The following PHTF2 variants were observed in gnomAD, a reference collection of about 807,000 sequenced individuals.
The protein encoded by PHTF2 is protein PHTF2.
A neutral mutation model predicts 101.2 loss-of-function variants in PHTF2; 60 were observed. The ratio of observed to expected loss-of-function variants is 0.59; its 90% CI spans 0.48 to 0.73. The LOEUF (loss-of-function observed/expected upper bound fraction) is 0.73, where lower values mean the gene tolerates loss of function less well. Ranked by LOEUF, PHTF2 falls within the 30% of genes least tolerant of loss-of-function variation. The probability of loss-of-function intolerance (pLI) is 0.00; values close to 1 mark genes in which losing one functional copy is unlikely to be tolerated. For missense variants in PHTF2, 747 were observed against 908.7 expected, an observed-to-expected ratio of 0.82 and a Z score of 2.29; for synonymous variants, 311 against 307.3, an observed-to-expected ratio of 1.01 and a Z score of -0.13.
intron 1 of PHTF2, among the ~76,000 whole-genome samples, chr7:77,821,378 C>T (rs1188758799): frequency 2.0e-5 from 3 of 152,202 alleles, no homozygotes; most frequent in Non-Finnish European, 2.9e-5. Flanking sequence ...GTCCATCTCT[C>T]TCCCAATATT....
intron 5 of PHTF2, among the ~76,000 whole-genome samples, chr7:77,898,740 G>A (rs1297550154): frequency 2.0e-5 from 3 of 152,010 alleles, no homozygotes; most frequent in African/African-American, 7.2e-5. Flanking sequence ...AACAATTCAT[G>A]GCCAACAGCA....
intron 1 of PHTF2, among the ~76,000 whole-genome samples, chr7:77,801,988 C>G (rs1398637887): frequency 6.6e-6 from 1 of 152,106 alleles, no homozygotes; most frequent in Non-Finnish European, 1.5e-5. Context: ...AGTACGGGCA[C>G]ATAGAAAGCA....
intron 3 of PHTF2, among the ~76,000 whole-genome samples, chr7:77,888,339 G>C (rs1285596234): frequency 1.3e-5 from 2 of 152,060 alleles, no homozygotes; most frequent in East Asian, 1.9e-4. Context: ...TGGTCTGAAT[G>C]GTCTGACCTC....
At chr7:77,953,127 C>G (rs901604726) in intron 18 of PHTF2, among the ~76,000 whole-genome samples, 2 of 152,148 alleles carry the variant, frequency 1.3e-5, no homozygotes, top group African/African-American at 4.8e-5. Flanking sequence ...AGAATATTTA[C>G]TCCCCACCAT....
intron 3 of PHTF2, among the ~76,000 whole-genome samples, chr7:77,888,681 T>A (rs888415299): frequency 1.3e-5 from 2 of 152,186 alleles, no homozygotes; most frequent in African/African-American, 4.8e-5. Flanking sequence ...ATGCCATTTT[T>A]AAAAAAGTAG....
At chr7:77,949,937 T>C in intron 17 of PHTF2, 104 bp downstream of exon 16, 1 of 628,110 alleles carries the variant, frequency 1.6e-6, no homozygotes, top group Non-Finnish European at 2.6e-6. Flanking sequence ...TTAAGGTCAT[T>C]TGTGCTATAA....
intron 3 of PHTF2, among the ~76,000 whole-genome samples, chr7:77,879,976 A>G (rs1035123107): frequency 1.3e-5 from 2 of 152,230 alleles, no homozygotes; most frequent in African/African-American, 4.8e-5. Flanking sequence ...GGTTTTTATT[A>G]TAAATGTTAA....
chr7:77,949,802 A>T (rs771280012), exon 17 of PHTF2: 1 of 1,533,602 alleles, frequency 6.5e-7, no homozygotes, highest in South Asian at 1.2e-5. Context: ...AGTAAAAAAT[A>T]TAGTAATACC....
chr7:77,854,470 C>G (rs1205082566), intron 2 of PHTF2, among the ~76,000 whole-genome samples: 2 of 152,128 alleles, frequency 1.3e-5, no homozygotes, highest in Non-Finnish European at 2.9e-5. Context: ...AACATTCACT[C>G]AAGGCCCAAG....
chr7:77,868,325 T>C (rs1316761176), intron 3 of PHTF2, among the ~76,000 whole-genome samples: 1 of 79,074 alleles, frequency 1.3e-5, no homozygotes, highest in Non-Finnish European at 2.8e-5. Flanking sequence ...AAAAAAAATT[T>C]TTTTTTTTTT....
intron 6 of PHTF2, 149 bp downstream of exon 5, chr7:77,900,929 T>C: frequency 1.7e-6 from 1 of 581,810 alleles, no homozygotes; most frequent in Middle Eastern, 4.6e-4. Context: ...AGAGGCTTAA[T>C]TGGTTCATGG....
chr7:77,849,460 A>T (rs758789204), intron 2 of PHTF2, among the ~76,000 whole-genome samples: 19 of 152,150 alleles, frequency 1.2e-4, no homozygotes, highest in Non-Finnish European at 2.5e-4. Flanking sequence ...TTGTTATAAT[A>T]GCTCTGTAGT....
At chr7:77,889,430 G>A (rs1800161773) in intron 3 of PHTF2, among the ~76,000 whole-genome samples, 1 of 152,080 alleles carries the variant, frequency 6.6e-6, no homozygotes, top group Non-Finnish European at 1.5e-5. Context: ...ATTTGTTAAA[G>A]GCATACACGT....
At chr7:77,942,585 G>A (rs1470563868) in intron 15 of PHTF2, 115 bp from the exon 15 acceptor site, 5 of 530,750 alleles carry the variant, frequency 9.4e-6, no homozygotes, top group Middle Eastern at 2.8e-4. Context: ...ATTGTGGGCT[G>A]TGATCAACTG....
At chr7:77,929,502 T>C (rs1804368119) in intron 12 of PHTF2, among the ~76,000 whole-genome samples, 175 bp downstream of exon 11, 3 of 152,204 alleles carry the variant, frequency 2.0e-5, no homozygotes, top group African/African-American at 4.8e-5. Context: ...TCAGTACTTA[T>C]ATTGTGGTTA....
intron 2 of PHTF2, among the ~76,000 whole-genome samples, chr7:77,849,436 C>A (rs1327270750): frequency 3.9e-5 from 6 of 152,142 alleles, no homozygotes; most frequent in African/African-American, 1.2e-4. Flanking sequence ...CTGTGCCCAG[C>A]CACTGTGCTG....
chr7:77,870,440 AG>A (rs1448856299), intron 3 of PHTF2, among the ~76,000 whole-genome samples: 2 of 152,192 alleles, frequency 1.3e-5, no homozygotes, highest in African/African-American at 4.8e-5. Context: ...CCGCTGTTCA[AG>A]GGCAGGAAGC....
At chr7:77,952,948 T>A (rs848461) in intron 18 of PHTF2, among the ~76,000 whole-genome samples, 1 of 151,978 alleles carries the variant, frequency 6.6e-6, no homozygotes, top group Non-Finnish European at 1.5e-5. Context: ...CTCTCACTTA[T>A]GCTTTTGATA....
intron 17 of PHTF2, among the ~76,000 whole-genome samples, chr7:77,951,147 T>G (rs544052973): frequency 6.6e-6 from 1 of 152,232 alleles, no homozygotes; most frequent in Non-Finnish European, 1.5e-5. Flanking sequence ...GACTTTCAAA[T>G]AAATCATAAA....
Sources: allele counts gnomAD v4.1 joint callset (sites outside exome capture counted in the v4.1 genomes callset), GRCh38; gene constraint gnomAD v4.1.1; transcripts MANE v1.5; gene names NCBI Gene and HGNC (gene_info 2026-07-23, HGNC 2026-07-21).